The following HSD17B4 variants were observed in gnomAD, a reference collection of about 807,000 sequenced individuals.
HSD17B4 encodes the protein hydroxysteroid 17-beta dehydrogenase 4, also known as peroxisomal multifunctional enzyme type 2.
HSD17B4 carries 70 observed loss-of-function variants against 101.0 expected under a neutral mutation model. The observed-to-expected ratio is 0.69, with a 90% CI of 0.57 to 0.85. The LOEUF is 0.85. Among genes scored for constraint, HSD17B4 ranks in the 40% least tolerant of loss-of-function variants. HSD17B4 has a pLI of 0.00. For synonymous variants in HSD17B4, 347 were observed against 297.1 expected (o/e 1.17, Z -1.73); for missense variants, 984 against 892.4 (o/e 1.10, Z -1.31).
rs566121178 is a variant in HSD17B4, at chr5:119,504,806, A to C, written c.1262-2012A>C. On this transcript the variant is annotated intron_variant, in intron 14 of 23. Coordinates refer to ENST00000510025, the MANE Select transcript of HSD17B4 (RefSeq NM_000414.4). ...TGATCGTAATTGCTTTTGAGGACTT[A>C]GCCATAAATTATTTCCTAAGGCTGA... 2.6e-5 allele frequency among the ~76,000 whole-genome samples: 4 copies of C among 152,248 alleles called. 1 individual carries two copies. The South Asian group carries it at 6.2e-4, about 24-fold the overall frequency.
At chr5:119,498,601 G>A (rs1750862124) in intron 12 of HSD17B4, among the ~76,000 whole-genome samples, 1 of 152,152 alleles carries the variant, frequency 6.6e-6, no homozygotes, top group Non-Finnish European at 1.5e-5. Context: ...TGAGGGACTG[G>A]GCGCAGTGGC....
At chr5:119,531,570 T>G (rs762715660) in intron 22 of HSD17B4, among the ~76,000 whole-genome samples, 166 bp downstream of exon 22, 30 of 133,292 alleles carry the variant, frequency 2.3e-4, no homozygotes, top group Middle Eastern at 3.7e-3. Flanking sequence ...CAAAGGGGGG[T>G]GTGTGTGTGT....
intron 14 of HSD17B4, among the ~76,000 whole-genome samples, chr5:119,504,982 C>G (rs1226769730): frequency 6.6e-6 from 1 of 152,132 alleles, no homozygotes; most frequent in Non-Finnish European, 1.5e-5. Context: ...AGCCAGTTAT[C>G]TCAGCACCGT....
intron 8 of HSD17B4, among the ~76,000 whole-genome samples, chr5:119,482,129 C>T (rs1749196811): frequency 6.6e-6 from 1 of 152,094 alleles, no homozygotes; most frequent in Non-Finnish European, 1.5e-5. Context: ...CTCGGGTTCT[C>T]ATTGTATGCA....
intron 2 of HSD17B4, among the ~76,000 whole-genome samples, chr5:119,457,998 C>G (rs1754842278): frequency 6.6e-6 from 1 of 152,036 alleles, no homozygotes; most frequent in Non-Finnish European, 1.5e-5. Flanking sequence ...TCCTTTATTT[C>G]CCTGTTCCCT....
chr5:119,480,374 AAG>A (rs1461031735), intron 8 of HSD17B4, among the ~76,000 whole-genome samples: 3 of 152,126 alleles, frequency 2.0e-5, no homozygotes, highest in African/African-American at 7.2e-5. Context: ...CAGAGTACAA[AAG>A]AGAGAAATTT....
At chr5:119,539,345 C>T (rs1299816361) in intron 23 of HSD17B4, among the ~76,000 whole-genome samples, 1 of 147,890 alleles carries the variant, frequency 6.8e-6, no homozygotes, top group Non-Finnish European at 1.5e-5. Flanking sequence ...GACAAAAAAC[C>T]AAACACCGCA....
chr5:119,461,823 T>G (rs954866155), intron 2 of HSD17B4, among the ~76,000 whole-genome samples: 1 of 152,036 alleles, frequency 6.6e-6, no homozygotes. Context: ...AGTTTGAGAC[T>G]TCAATGAGCT....
chr5:119,470,930 A>G (rs564268064), intron 2 of HSD17B4, among the ~76,000 whole-genome samples: 1 of 152,190 alleles, frequency 6.6e-6, no homozygotes, highest in African/African-American at 2.4e-5. Flanking sequence ...TTTGTTTGAG[A>G]TAAATTTACC....
chr5:119,531,444 T>A, intron 22 of HSD17B4, 40 bp downstream of exon 22: 5 of 1,569,238 alleles, frequency 3.2e-6, no homozygotes, highest in Non-Finnish European at 3.5e-6. Flanking sequence ...CTAAGGTAAT[T>A]CTTAGTAAAT....
intron 15 of HSD17B4, among the ~76,000 whole-genome samples, chr5:119,508,285 T>TG (rs1488478995): frequency 6.6e-6 from 1 of 152,104 alleles, no homozygotes; most frequent in Non-Finnish European, 1.5e-5. Flanking sequence ...TCTCTCTTGA[T>TG]CTGCTCCATT....
At chr5:119,500,584 G>A (rs926496603) in intron 13 of HSD17B4, among the ~76,000 whole-genome samples, 1 of 152,016 alleles carries the variant, frequency 6.6e-6, no homozygotes, top group African/African-American at 2.4e-5. Context: ...AGTTCAGGGA[G>A]GGGTCTAACT....
intron 17 of HSD17B4, among the ~76,000 whole-genome samples, chr5:119,521,940 ATG>A (rs1471578682): frequency 6.7e-6 from 1 of 149,738 alleles, no homozygotes; most frequent in Non-Finnish European, 1.5e-5. Context: ...TTAAATATAT[ATG>A]TATTTTTATT....
At chr5:119,502,706 A>G (rs1751284861) in intron 14 of HSD17B4, among the ~76,000 whole-genome samples, 1 of 152,176 alleles carries the variant, frequency 6.6e-6, no homozygotes, top group African/African-American at 2.4e-5. Flanking sequence ...TGTTTTGTTA[A>G]TATTTGTCAT....
At chr5:119,532,850 C>T (rs1342397378) in intron 22 of HSD17B4, among the ~76,000 whole-genome samples, 1 of 151,990 alleles carries the variant, frequency 6.6e-6, no homozygotes, top group Non-Finnish European at 1.5e-5. Context: ...AACCAAAAAG[C>T]TCTAAAAATA....
chr5:119,484,733 G>A (rs530211849), intron 8 of HSD17B4, among the ~76,000 whole-genome samples: 4 of 152,082 alleles, frequency 2.6e-5, no homozygotes, highest in Admixed American at 1.3e-4. Flanking sequence ...TTAGAACTTG[G>A]GATTTGTAAT....
At chr5:119,476,255 T>C (rs538308487) in intron 6 of HSD17B4, among the ~76,000 whole-genome samples, 2 of 152,318 alleles carry the variant, frequency 1.3e-5, no homozygotes, top group South Asian at 4.1e-4. Flanking sequence ...TAAGGGAGTC[T>C]AGTGCACTAA....
At chr5:119,462,593 A>C (rs775704033) in intron 2 of HSD17B4, among the ~76,000 whole-genome samples, 18 of 152,090 alleles carry the variant, frequency 1.2e-4, no homozygotes, top group Non-Finnish European at 8.8e-5. Context: ...AATTTTAGCT[A>C]TACGTTTAAG....
At chr5:119,453,464 T>A (rs1324019171) in intron 1 of HSD17B4, among the ~76,000 whole-genome samples, 1 of 152,258 alleles carries the variant, frequency 6.6e-6, no homozygotes, top group Non-Finnish European at 1.5e-5. Flanking sequence ...ACATAGATGC[T>A]GTGCAGTGAG....
Sources: gnomAD v4.1 joint callset for allele counts (sites outside exome capture counted in the v4.1 genomes callset) on GRCh38, gnomAD v4.1.1 for gene constraint, MANE v1.5 for transcripts, NCBI Gene and HGNC (gene_info 2026-07-23, HGNC 2026-07-21) for gene names.